Variants in MGLL observed in about 807,000 individuals in gnomAD.
The protein encoded by MGLL is monoglyceride lipase, also known as lysophospholipase homolog.
Under a neutral mutation model 29.1 loss-of-function variants are expected in MGLL, and 7 were observed. The observed-to-expected ratio is 0.24, with a 90% CI of 0.14 to 0.45. The LOEUF (loss-of-function observed/expected upper bound fraction) is 0.45, where lower values mean the gene tolerates loss of function less well. Among genes scored for constraint, MGLL ranks in the 20% least tolerant of loss-of-function variants. MGLL has a pLI of 0.99. For missense variants in MGLL, 356 were observed against 413.6 expected (o/e 0.86, Z 1.21); for synonymous variants, 148 against 168.3 (o/e 0.88, Z 0.93).
chr3:127,696,173 C>G (rs2075357771), intron 6 of MGLL, among the ~76,000 whole-genome samples: 1 of 152,180 alleles, frequency 6.6e-6, no homozygotes, highest in Non-Finnish European at 1.5e-5. Context: ...GGTCCTCTCT[C>G]CTCAACCACC....
intron 3 of MGLL, among the ~76,000 whole-genome samples, chr3:127,759,999 G>A (rs561651540): frequency 9.8e-5 from 15 of 152,304 alleles, no homozygotes; most frequent in African/African-American, 3.1e-4. Flanking sequence ...CTGTCTTTGC[G>A]GGCAGGCCCT....
chr3:127,769,945 A>C (rs544768193), intron 3 of MGLL, among the ~76,000 whole-genome samples: 1 of 152,238 alleles, frequency 6.6e-6, no homozygotes, highest in East Asian at 1.9e-4. Flanking sequence ...TCCACCTGTC[A>C]TCTCGACATC....
chr3:127,710,489 A>C, intron 6 of MGLL, 87 bp downstream of exon 6: 1 of 1,179,458 alleles, frequency 8.5e-7, no homozygotes, highest in Non-Finnish European at 1.2e-6. Context: ...AAAGGGCAGC[A>C]GAGAATGCCA....
At chr3:127,695,375 C>T (rs1239781881) in intron 6 of MGLL, among the ~76,000 whole-genome samples, 185 bp from the exon 7 acceptor site, 2 of 152,220 alleles carry the variant, frequency 1.3e-5, no homozygotes, top group African/African-American at 2.4e-5. Flanking sequence ...GCACCACTGG[C>T]AGTGCCTCTC....
intron 2 of MGLL, among the ~76,000 whole-genome samples, chr3:127,821,349 G>C (rs1482390597): frequency 6.6e-6 from 1 of 152,028 alleles, no homozygotes; most frequent in East Asian, 1.9e-4. Context: ...ATCCATCTAG[G>C]GGATTTTCCT....
intron 3 of MGLL, among the ~76,000 whole-genome samples, chr3:127,724,208 C>T (rs555185563): frequency 7.9e-5 from 12 of 152,300 alleles, no homozygotes; most frequent in African/African-American, 2.9e-4. Flanking sequence ...ACTCCCCTTT[C>T]CTTCTTACTC....
At chr3:127,784,961 G>A (rs1264697121) in intron 2 of MGLL, among the ~76,000 whole-genome samples, 1 of 152,142 alleles carries the variant, frequency 6.6e-6, no homozygotes, top group African/African-American at 2.4e-5. Context: ...CCTCTGCCCT[G>A]CTCCCGAGCT....
In MGLL at chr3:127,723,693, C is replaced by T. The variant is rs561812699; in HGVS notation, c.263-1127G>A. Among the ~76,000 whole-genome samples, 3 of 152,260 alleles carry T rather than the reference C, an allele frequency of 2.0e-5. No individual in the cohort carries two copies. In the South Asian group the frequency reaches 6.2e-4, roughly 32 times the overall value. On this transcript the variant is annotated intron_variant, in intron 3 of 7. Coordinates refer to ENST00000265052, the MANE Select transcript of MGLL (RefSeq NM_007283.7). ...TTACTTTTTACTGTGCTATCATATC[C>T]GTAACATAAATCGTACTGTTTGAAC...
chr3:127,714,459 C>G (rs2075777183), intron 5 of MGLL, among the ~76,000 whole-genome samples: 1 of 152,166 alleles, frequency 6.6e-6, no homozygotes, highest in African/African-American at 2.4e-5. Context: ...GGGAATGTGC[C>G]TAAGAGGACA....
Position 127,821,985 on chromosome 3 carries a change from C to G in MGLL, c.11-147G>C, listed in dbSNP as rs943491622. 1.1e-5 allele frequency: 10 copies of G among 882,810 alleles called. No homozygotes were observed. The South Asian group carries it at 1.9e-4, about 17-fold the overall frequency. The allele number at this position is 882,810 out of a possible 1,614,324, so 54.7% of individuals were successfully genotyped here. On this transcript the variant is annotated intron_variant, in intron 1 of 7. Transcript: ENST00000265052. Reference sequence around the variant, plus strand: ...GTTTCAAAGGTTTAAAACATACATACATTTCTTGCAAACCTCTCCAAGACT... The same window carrying G: ...GTTTCAAAGGTTTAAAACATACATAGATTTCTTGCAAACCTCTCCAAGACT...
chr3:127,790,054 G>C (rs905114183), intron 2 of MGLL, among the ~76,000 whole-genome samples: 5 of 152,180 alleles, frequency 3.3e-5, no homozygotes, highest in African/African-American at 1.2e-4. Flanking sequence ...AAGTGTGCTC[G>C]CTGATTAAAA....
rs767822436 is a variant in MGLL at position 127,701,698 on chromosome 3, C to T, written c.601-6508G>A. 1.4e-3 allele frequency among the ~76,000 whole-genome samples: 211 copies of T among 152,294 alleles called. 1 individual carries two copies. Among genetic ancestry groups the T allele is most frequent in the Non-Finnish European group, 1.8e-3 (125 of 68,024 alleles). On this transcript the variant is annotated intron_variant, in intron 6 of 7. Transcript: ENST00000265052. ...TTTCTCCCTCCCTATCAACCCTCGG[C>T]TCAGCTGCCCTTCCTGCAGGCAGCC...
rs192622455 is a variant in MGLL at position 127,815,624 on chromosome 3, C to T, written c.155+6070G>A. Reference sequence around the variant, plus strand: ...TTGGCTCATGCTTTTGTGTTTGGGTCCTCTCCCCCACGTGCCCTTTCCGAG... The same window carrying T: ...TTGGCTCATGCTTTTGTGTTTGGGTTCTCTCCCCCACGTGCCCTTTCCGAG... On this transcript the variant is annotated intron_variant, in intron 2 of 7. Coordinates refer to ENST00000265052, the MANE Select transcript of MGLL (RefSeq NM_007283.7). Among the ~76,000 whole-genome samples the T allele has an allele frequency of 1.5e-4, 23 of 152,288 alleles. No individual in the cohort carries two copies. In the East Asian group the frequency reaches 3.9e-3, roughly 26 times the overall value.
rs138136571 is a variant in MGLL, at chr3:127,786,890, G to A, written c.156-4995C>T. On this transcript the variant is annotated intron_variant, in intron 2 of 7. Transcript: ENST00000265052. The stretch of plus-strand genomic sequence containing the variant: ...CGATGGCGCAGGTAAGCCACTTGCC[G>A]GGTGAGCCACTTGCCATGTGGAGGT... 5.9e-5 allele frequency among the ~76,000 whole-genome samples: 9 copies of A among 152,280 alleles called. No homozygotes were observed. The East Asian group carries it at 1.3e-3, about 23-fold the overall frequency.
chr3:127,821,872 A>G (rs2077867461), intron 1 of MGLL, 34 bp from the exon 2 acceptor site: 4 of 1,605,742 alleles, frequency 2.5e-6, no homozygotes, highest in Non-Finnish European at 3.4e-6. Context: ...CAAAGTCAGA[A>G]ATATCTCAAG....
intron 3 of MGLL, among the ~76,000 whole-genome samples, chr3:127,741,478 G>A (rs966682176): frequency 2.0e-5 from 3 of 152,240 alleles, no homozygotes; most frequent in Non-Finnish European, 4.4e-5. Flanking sequence ...GCCTGGTGTG[G>A]GCTTACTCCT....
At chr3:127,821,286 C>A (rs2077854731) in intron 2 of MGLL, among the ~76,000 whole-genome samples, 1 of 152,178 alleles carries the variant, frequency 6.6e-6, no homozygotes. Flanking sequence ...AGCTCAGAAA[C>A]AAGCAGGAAA....
At chr3:127,724,168 T>C (rs952812672) in intron 3 of MGLL, among the ~76,000 whole-genome samples, 4 of 152,284 alleles carry the variant, frequency 2.6e-5, no homozygotes, top group African/African-American at 7.2e-5. Context: ...ATGGAAGCCC[T>C]GGCAAACTCA....
chr3:127,809,934 T>C lies in MGLL; in HGVS notation c.155+11760A>G, dbSNP rs142393634. ...GAAGTACGGATGTGAAAGGGTGAGA[T>C]CCTTGTCCAATTCTAGACATTTAGC... On this transcript the variant is annotated intron_variant, in intron 2 of 7. Transcript: ENST00000265052. Among the ~76,000 whole-genome samples, 355 of 152,168 alleles carry C rather than the reference T, an allele frequency of 2.3e-3. 1 individual carries two copies. The highest frequency in any genetic ancestry group is 8.0e-3 in the African/African-American group (331 of 41,532).
Sources: gnomAD v4.1 joint callset for allele counts (sites outside exome capture counted in the v4.1 genomes callset) on GRCh38, gnomAD v4.1.1 for gene constraint, MANE v1.5 for transcripts, NCBI Gene and HGNC (gene_info 2026-07-23, HGNC 2026-07-21) for gene names.